The following NTRK2 variants were observed in gnomAD, a reference collection of about 807,000 sequenced individuals.
NTRK2 encodes BDNF/NT-3 growth factors receptor.
Under a neutral mutation model 94.5 loss-of-function variants are expected in NTRK2, and 13 were observed. That is an observed-to-expected ratio of 0.14 (90% CI 0.09 to 0.22). The LOEUF is 0.22. NTRK2 is among the 10% of genes least tolerant of loss of function. The pLI is 1.00. For synonymous variants in NTRK2, 372 were observed against 407.4 expected (o/e 0.91, Z 1.05); for missense variants, 639 against 1,071.2 (o/e 0.60, Z 5.63).
At chr9:84,987,459 A>G (rs990681907) in intron 17 of NTRK2, among the ~76,000 whole-genome samples, 2 of 152,200 alleles carry the variant, frequency 1.3e-5, no homozygotes, top group African/African-American at 4.8e-5. Context: ...TCTTCCCTCT[A>G]TTACTTAAAA....
At chr9:84,960,763 C>T (rs980893858) in intron 17 of NTRK2, among the ~76,000 whole-genome samples, 2 of 152,154 alleles carry the variant, frequency 1.3e-5, no homozygotes, top group Non-Finnish European at 2.9e-5. Context: ...GCATACAGTA[C>T]CTTGCATCAA....
intron 14 of NTRK2, among the ~76,000 whole-genome samples, chr9:84,903,959 T>C (rs2077004503): frequency 6.6e-6 from 1 of 152,150 alleles, no homozygotes; most frequent in Admixed American, 6.5e-5. Context: ...AAGAAAGAAA[T>C]GAGAAAAAAG....
chr9:84,722,160 CTT>C (rs36100177), intron 6 of NTRK2, among the ~76,000 whole-genome samples: 29 of 67,072 alleles, frequency 4.3e-4, no homozygotes, highest in African/African-American at 9.7e-4. Context: ...CTATTAGGGG[CTT>C]TTTTTTTTTT....
In NTRK2 at chr9:84,867,262, C is replaced by T. The variant is rs760994463; in HGVS notation, c.1464C>T (p.Ser488=). The change falls in exon 14 of 19, where the codon AGC becomes AGT. Residue 488 remains serine, a synonymous_variant. Coordinates refer to ENST00000277120, the MANE Select transcript of NTRK2 (RefSeq NM_006180.6). ...CTCCAGGCCCAGCCTCCGTTATCAG[C>T]AATGATGATGACTCTGCCAGCCCAC... The part of the protein sequence containing the change: ...RQGVGPASVI[S]NDDDSASPLH... The T allele has an allele frequency of 7.4e-6, 12 of 1,614,006 alleles. No individual in the cohort carries two copies. The highest frequency in any genetic ancestry group is 1.0e-5 in the Non-Finnish European group (12 of 1,179,918).
intron 14 of NTRK2, among the ~76,000 whole-genome samples, chr9:84,921,381 C>T (rs1303357421): frequency 1.3e-5 from 2 of 152,192 alleles, no homozygotes; most frequent in East Asian, 3.8e-4. Flanking sequence ...AGCACTGTGA[C>T]TCTCACTTTA....
intron 12 of NTRK2, among the ~76,000 whole-genome samples, chr9:84,820,404 G>A (rs1449376800): frequency 6.6e-6 from 1 of 151,842 alleles, no homozygotes; most frequent in African/African-American, 2.4e-5. Context: ...TCCCGACCTC[G>A]AGTGATTTGC....
At chr9:84,983,725 C>CT (rs1449834110) in intron 17 of NTRK2, among the ~76,000 whole-genome samples, 22 of 152,198 alleles carry the variant, frequency 1.4e-4, no homozygotes, top group Admixed American at 1.2e-3. Context: ...TTTAACATCC[C>CT]TACTGCCCCT....
chr9:84,685,092 G>A (rs1179680694), intron 2 of NTRK2, among the ~76,000 whole-genome samples: 1 of 150,182 alleles, frequency 6.7e-6, no homozygotes, highest in Non-Finnish European at 1.5e-5. Flanking sequence ...ACTATTATAT[G>A]TTTTTACTTT....
chr9:84,826,780 A>G (rs2073217972), intron 12 of NTRK2, among the ~76,000 whole-genome samples: 1 of 152,246 alleles, frequency 6.6e-6, no homozygotes, highest in Admixed American at 6.5e-5. Context: ...GTTATTGTCT[A>G]TAGCTATTAC....
chr9:84,988,547 T>C (rs1828652331), intron 17 of NTRK2, among the ~76,000 whole-genome samples: 1 of 152,088 alleles, frequency 6.6e-6, no homozygotes, highest in Non-Finnish European at 1.5e-5. Flanking sequence ...AACCACTGCA[T>C]TAGAGAATCA....
chr9:84,824,993 T>G (rs915304897), intron 12 of NTRK2, among the ~76,000 whole-genome samples: 1 of 140,180 alleles, frequency 7.1e-6, no homozygotes, highest in African/African-American at 2.7e-5. Context: ...AAAGATCAGT[T>G]TTTTTTTTTT....
chr9:84,755,525 C>CTTTTTTTTT lies in NTRK2; in HGVS notation c.1396+3460_1396+3468dup, dbSNP rs745611460. The stretch of plus-strand genomic sequence containing the variant: ...TTCTAAAAGAGACAAAGTCCCACCT[C>CTTTTTTTTT]TTTTTTTTTTTTTTTTTTTTTTTTT... On this transcript the variant is annotated intron_variant, in intron 12 of 18. Transcript: ENST00000277120. 1.2e-3 allele frequency among the ~76,000 whole-genome samples: 72 copies of CTTTTTTTTT among 60,654 alleles called. 2 individuals carry two copies. The highest frequency in any genetic ancestry group is 4.5e-3 in the African/African-American group (65 of 14,374). 39.8% of individuals were successfully genotyped at this position (60,654 alleles called of 152,430 possible).
intron 12 of NTRK2, among the ~76,000 whole-genome samples, chr9:84,801,300 C>T (rs1485789011): frequency 6.6e-6 from 1 of 152,192 alleles, no homozygotes; most frequent in Non-Finnish European, 1.5e-5. Flanking sequence ...TAACCAGCGG[C>T]AGGTGGGTTT....
At chr9:85,015,063 G>T (rs766776200) in intron 17 of NTRK2, among the ~76,000 whole-genome samples, 28 of 152,050 alleles carry the variant, frequency 1.8e-4, no homozygotes, top group Non-Finnish European at 3.5e-4. Context: ...TGGTCATCTG[G>T]TTTTTAAAAT....
At chr9:84,719,178 C>A (rs978069046) in intron 6 of NTRK2, among the ~76,000 whole-genome samples, 4 of 152,162 alleles carry the variant, frequency 2.6e-5, no homozygotes, top group South Asian at 2.1e-4. Context: ...AAGACCCTGA[C>A]CTTTGAGTTC....
intron 2 of NTRK2, among the ~76,000 whole-genome samples, chr9:84,677,579 G>A (rs902179097): frequency 2.0e-5 from 3 of 152,142 alleles, no homozygotes; most frequent in African/African-American, 7.2e-5. Flanking sequence ...CAGCCTCTGA[G>A]GGGCTGTGAG....
At chr9:84,882,697 A>AGTGT (rs71847053) in intron 14 of NTRK2, among the ~76,000 whole-genome samples, 18,124 of 149,710 alleles carry the variant, frequency 0.12, 1,182 homozygotes, top group Middle Eastern at 0.17. Flanking sequence ...CTTTTGTTCT[A>AGTGT]GTGTGTGTGT....
chr9:84,860,822 A>C (rs1046944790), intron 12 of NTRK2, among the ~76,000 whole-genome samples: 1 of 152,096 alleles, frequency 6.6e-6, no homozygotes, highest in African/African-American at 2.4e-5. Context: ...ATAGGAAATA[A>C]ATCTCTACAC....
intron 12 of NTRK2, among the ~76,000 whole-genome samples, chr9:84,798,466 CTGAG>C (rs1427350152): frequency 1.3e-5 from 2 of 152,220 alleles, no homozygotes; most frequent in African/African-American, 4.8e-5. Flanking sequence ...CATTCTAGCA[CTGAG>C]TCTGCTGCTG....
Sources: allele counts gnomAD v4.1 joint callset (sites outside exome capture counted in the v4.1 genomes callset), GRCh38; gene constraint gnomAD v4.1.1; transcripts MANE v1.5; gene names NCBI Gene and HGNC (gene_info 2026-07-23, HGNC 2026-07-21).